TRIM5: variants seen among roughly 807,000 people sequenced by gnomAD.
TRIM5 encodes tripartite motif containing 5.
TRIM5 carries 31 observed loss-of-function variants against 35.6 expected under a neutral mutation model. The ratio of observed to expected loss-of-function variants is 0.87; its 90% CI spans 0.65 to 1.18. The LOEUF is 1.18. Among genes scored for constraint, TRIM5 ranks in the 50% most tolerant of loss-of-function variants. TRIM5 has a pLI of 0.00. For synonymous variants in TRIM5, 243 were observed against 215.6 expected, an observed-to-expected ratio of 1.13 and a Z score of -1.11; for missense variants, 609 against 591.6, an observed-to-expected ratio of 1.03 and a Z score of -0.31.
intron 1 of TRIM5, 102 bp downstream of exon 1, chr11:5,684,766 G>C (rs978047428): frequency 3.3e-5 from 5 of 152,214 alleles, no homozygotes; most frequent in African/African-American, 1.2e-4. Flanking sequence ...CTGCCTGCCC[G>C]CCAGGCGGCT....
At position 5,663,383 on chromosome 11, in the gene TRIM5, T is replaced by C. The variant is rs1047935368; in HGVS notation, c.*1426A>G. 1.1e-5 allele frequency: 11 copies of C among 973,978 alleles called. No individual in the cohort carries two copies. In the African/African-American group the frequency reaches 1.8e-4, roughly 16 times the overall value. The allele number at this position is 973,978 out of a possible 1,614,324, so 60.3% of individuals were successfully genotyped here. A position where few individuals can be genotyped will look rare whatever the true frequency, so the allele number is the denominator to read the frequency against. ...CCTAAATATATGTGTGTATTATATA[T>C]AGAAGGCAGAATTGAAGTCATTTTG... On this transcript the variant is annotated 3_prime_UTR_variant, in exon 8 of 8. Transcript: ENST00000380034.
chr11:5,620,540 C>T, the TRIM5 span, among the ~76,000 whole-genome samples: 1 of 152,150 alleles, frequency 6.6e-6, no homozygotes, highest in Non-Finnish European at 1.5e-5. Flanking sequence ...TAATGAGTCT[C>T]AAGCTCTTTA....
At chr11:5,652,391 G>T in the TRIM5 span, among the ~76,000 whole-genome samples, 1 of 152,252 alleles carries the variant, frequency 6.6e-6, no homozygotes, top group South Asian at 2.1e-4. Flanking sequence ...TATGGCAAGC[G>T]AGGTATCTCA....
chr11:5,603,105 A>G, the TRIM5 span: 2 of 1,394,884 alleles, frequency 1.4e-6, no homozygotes, highest in South Asian at 3.1e-5. Context: ...GAGCCGGGAT[A>G]AAGAACGTAT....
the TRIM5 span, among the ~76,000 whole-genome samples, chr11:5,653,394 A>G: frequency 6.6e-6 from 1 of 151,830 alleles, no homozygotes; most frequent in East Asian, 1.9e-4. Flanking sequence ...TTTTTCATCA[A>G]TTATTTCATT....
intron 1 of TRIM5, among the ~76,000 whole-genome samples, chr11:5,682,266 G>C (rs1438626288): frequency 6.6e-6 from 1 of 152,168 alleles, no homozygotes; most frequent in East Asian, 1.9e-4. Flanking sequence ...AGCTGAGCTT[G>C]GTGACAGGTG....
Position 5,679,141 on chromosome 11 carries a change from A to T in TRIM5, c.446T>A (p.Leu149Gln), listed in dbSNP as rs1251879104. The change falls in exon 3 of 8, where the codon CTG (leucine) becomes CAG (glutamine). Residue 149 changes from leucine to glutamine, a missense_variant. Coordinates refer to ENST00000380034, the MANE Select transcript of TRIM5 (RefSeq NM_033034.3). ...QVKLQAALEM[L>Q]RQKQQEAEEL... ...TTCAGCTTCCTGCTGCTTCTGCCTCAGCATCTCCAGAGCTGCCTGGAGCTT... is the reference window on the plus strand; with the variant it reads ...TTCAGCTTCCTGCTGCTTCTGCCTCTGCATCTCCAGAGCTGCCTGGAGCTT... The T allele has an allele frequency of 6.2e-7, 1 of 1,613,974 alleles. No individual in the cohort carries two copies. Among genetic ancestry groups the T allele is most frequent in the South Asian group, 1.1e-5 (1 of 91,092 alleles).
chr11:5,664,921 T>C lies in TRIM5; in HGVS notation c.1370A>G (p.His457Arg), dbSNP rs192854624. The C allele has an allele frequency of 5.0e-6, 8 of 1,614,010 alleles. No individual in the cohort carries two copies. The Admixed American group carries it at 8.3e-5, about 17-fold the overall frequency. Residue 457 changes from histidine to arginine, a missense_variant, in exon 8 of 8, where the codon CAT becomes CGT. Physicochemically the swap from His to Arg is conservative, Grantham distance 29. Transcript: ENST00000380034. Reference sequence around the variant, plus strand: ...AGAAAACTTATAGATGAGAAATCCATGGTTTGTGATATTGAAGAATGAGAC... The same window carrying C: ...AGAAAACTTATAGATGAGAAATCCACGGTTTGTGATATTGAAGAATGAGAC... ...CTVSFFNITN[H>R]GFLIYKFSHC...
the TRIM5 span, among the ~76,000 whole-genome samples, chr11:5,649,703 A>C: frequency 6.6e-6 from 1 of 152,194 alleles, no homozygotes; most frequent in African/African-American, 2.4e-5. Context: ...GCAGAGCGTA[A>C]TGTTGCAGAA....
At chr11:5,623,790 AT>A in the TRIM5 span, among the ~76,000 whole-genome samples, 1 of 152,278 alleles carries the variant, frequency 6.6e-6, no homozygotes, top group African/African-American at 2.4e-5. Flanking sequence ...ATGTGGATAC[AT>A]TTTTGTGGGA....
downstream of TRIM5, among the ~76,000 whole-genome samples, chr11:5,662,102 C>T (rs1850847990): frequency 6.6e-6 from 1 of 152,146 alleles, no homozygotes; most frequent in Admixed American, 6.5e-5. Flanking sequence ...TCCTCGGTTT[C>T]CCTGGATGGT....
intron 1 of TRIM5, among the ~76,000 whole-genome samples, chr11:5,682,673 T>A (rs1053513233): frequency 7.9e-5 from 12 of 152,142 alleles, no homozygotes; most frequent in Non-Finnish European, 2.9e-5. Flanking sequence ...TGCCTTTAGA[T>A]CATTAACATA....
the TRIM5 span, chr11:5,610,546 G>A: frequency 1.2e-6 from 2 of 1,613,724 alleles, no homozygotes; most frequent in East Asian, 2.2e-5. Flanking sequence ...GCTGACAGAT[G>A]TCCAAAGCTA....
rs1448490665 is a variant in TRIM5, at chr11:5,679,191, A to G, written c.418-22T>C. 3.7e-6 allele frequency: 6 copies of G among 1,604,296 alleles called. No homozygotes were observed. The African/African-American group carries it at 4.0e-5, about 11-fold the overall frequency. On this transcript the variant is annotated intron_variant, in intron 2 of 7. Coordinates refer to ENST00000380034, the MANE Select transcript of TRIM5 (RefSeq NM_033034.3). The stretch of plus-strand genomic sequence containing the variant: ...TCACCTGTGAGAAAGGAATCACACC[A>G]TAGTCAAGCTATGAGGTTTTCCAGC...
At chr11:5,645,876 A>ATAT in the TRIM5 span, 6 of 147,266 alleles carry the variant, frequency 4.1e-5, no homozygotes, top group African/African-American at 6.8e-5. Flanking sequence ...GGAAAAAAAA[A>ATAT]AAAAATATAT....
chr11:5,672,550 A>G (rs1020885900), intron 4 of TRIM5, among the ~76,000 whole-genome samples: 4 of 152,146 alleles, frequency 2.6e-5, no homozygotes, highest in Admixed American at 1.3e-4. Flanking sequence ...AGTTTTTAAA[A>G]TTTCTTCAGT....
rs1304097380 is a variant in TRIM5, at chr11:5,676,558, T to TC, written c.744+1645dup. ...AAGGTAATTTACAGATTCAATGCCA[T>TC]CCCCATCAAGCTAACAATGACTTCA... On this transcript the variant is annotated intron_variant, in intron 4 of 7. Transcript: ENST00000380034. 1.3e-4 allele frequency among the ~76,000 whole-genome samples: 19 copies of TC among 151,952 alleles called. 1 individual carries two copies. Among genetic ancestry groups the TC allele is most frequent in the Non-Finnish European group, 2.1e-4 (14 of 67,998 alleles).
At chr11:5,599,838 T>C in the TRIM5 span, among the ~76,000 whole-genome samples, 2 of 152,220 alleles carry the variant, frequency 1.3e-5, no homozygotes, top group African/African-American at 4.8e-5. Flanking sequence ...TAATTGATCA[T>C]TTCCTGTGTT....
At chr11:5,642,738 CCTACT>C in the TRIM5 span, 29 of 1,580,832 alleles carry the variant, frequency 1.8e-5, no homozygotes, top group Non-Finnish European at 2.5e-5. Flanking sequence ...TTCCCCTGTC[CCTACT>C]CTAAAGAATA....
Sources: gnomAD v4.1 joint callset for allele counts (sites outside exome capture counted in the v4.1 genomes callset) on GRCh38, gnomAD v4.1.1 for gene constraint, MANE v1.5 for transcripts, NCBI Gene and HGNC (gene_info 2026-07-23, HGNC 2026-07-21) for gene names.